Variants in NAALADL2 observed in about 807,000 individuals in gnomAD.
NAALADL2 encodes the protein N-acetylated alpha-linked acidic dipeptidase like 2.
Under a neutral mutation model 87.2 loss-of-function variants are expected in NAALADL2, and 76 were observed. The observed-to-expected ratio is 0.87, with a 90% confidence interval of 0.72 to 1.05. NAALADL2 has a LOEUF of 1.05. Ranked by LOEUF, NAALADL2 falls within the 50% of genes least tolerant of loss-of-function variation. The probability of loss-of-function intolerance (pLI) is 0.00; values close to 1 mark genes in which losing one functional copy is unlikely to be tolerated. For synonymous variants in NAALADL2, 354 were observed against 331.0 expected (o/e 1.07, Z -0.75); for missense variants, 1,089 against 945.8 (o/e 1.15, Z -1.99).
At chr3:175,202,716 T>C (rs933963551) in intron 2 of NAALADL2, among the ~76,000 whole-genome samples, 1 of 151,800 alleles carries the variant, frequency 6.6e-6, no homozygotes, top group African/African-American at 2.4e-5. Context: ...AGCTACCAGG[T>C]TGGGTAGGGA....
At chr3:174,889,594 C>T (rs923036231) in intron 1 of NAALADL2, among the ~76,000 whole-genome samples, 21 of 151,914 alleles carry the variant, frequency 1.4e-4, no homozygotes, top group African/African-American at 5.1e-4. Flanking sequence ...TCAGATTTAA[C>T]ATTGAGAGCC....
rs185456305 is a variant in NAALADL2, at chr3:175,557,340, T to A, written c.1654-18701T>A. On this transcript the variant is annotated intron_variant, in intron 9 of 13. Coordinates refer to ENST00000454872, the MANE Select transcript of NAALADL2 (RefSeq NM_207015.3). ...GATGCAAGCATGAAGTGTGTAATAA[T>A]CACATCAGGGTAAATAGGATATCCA... Among the ~76,000 whole-genome samples the A allele has an allele frequency of 3.3e-5, 5 of 152,312 alleles. No homozygotes were observed. In the East Asian group the frequency reaches 5.8e-4, roughly 18 times the overall value.
rs140341797 is a variant in NAALADL2, at chr3:175,244,046, A to T, written c.819+9842A>T. 8.8e-3 allele frequency among the ~76,000 whole-genome samples: 1,337 copies of T among 152,182 alleles called. 17 individuals are homozygous for T. The highest frequency in any genetic ancestry group is 0.031 in the African/African-American group (1,273 of 41,510). ...TGCCTGGACTTTCAACACAGCAACG[A>T]TGTCTCTCCATTGCCCTCTACCCAT... is the stretch of plus-strand genomic sequence containing the variant. On this transcript the variant is annotated intron_variant, in intron 3 of 13. Transcript: ENST00000454872.
chr3:175,533,246 A>G (rs1734342134), intron 9 of NAALADL2, among the ~76,000 whole-genome samples: 1 of 152,166 alleles, frequency 6.6e-6, no homozygotes, highest in Non-Finnish European at 1.5e-5. Context: ...ATTTCTGCTT[A>G]TATAAGATAG....
intron 13 of NAALADL2, among the ~76,000 whole-genome samples, chr3:175,774,193 C>A (rs2150188291): frequency 6.6e-6 from 1 of 152,128 alleles, no homozygotes; most frequent in East Asian, 1.9e-4. Flanking sequence ...AAGGCCTCAG[C>A]AGTGGGAGGA....
intron 11 of NAALADL2, among the ~76,000 whole-genome samples, chr3:175,709,370 A>G (rs1357862126): frequency 6.6e-6 from 1 of 152,132 alleles, no homozygotes; most frequent in Non-Finnish European, 1.5e-5. Flanking sequence ...TATTTCCAGA[A>G]TACTCCAAAG....
chr3:174,664,900 A>G (rs762353730), intron 2 of NAALADL2, among the ~76,000 whole-genome samples: 2 of 152,228 alleles, frequency 1.3e-5, no homozygotes, highest in Admixed American at 1.3e-4. Context: ...AAAGTCCCCT[A>G]GGTCTTCATT....
intron 1 of NAALADL2, among the ~76,000 whole-genome samples, chr3:174,499,752 T>C (rs573720390): frequency 3.3e-5 from 5 of 152,228 alleles, no homozygotes; most frequent in African/African-American, 9.6e-5. Flanking sequence ...GGGTCTTTCG[T>C]TGGAATCTCT....
intron 10 of NAALADL2, among the ~76,000 whole-genome samples, chr3:175,603,691 G>A (rs1723265856): frequency 6.6e-6 from 1 of 152,126 alleles, no homozygotes; most frequent in Admixed American, 6.6e-5. Flanking sequence ...TGCATGTATA[G>A]GCTGCATTTT....
intron 11 of NAALADL2, among the ~76,000 whole-genome samples, chr3:175,649,966 C>T (rs893482034): frequency 1.3e-5 from 2 of 148,264 alleles, no homozygotes; most frequent in Admixed American, 1.4e-4. Flanking sequence ...AAAAGTTAAA[C>T]ATAAGCTTAT....
At chr3:175,039,048 C>T (rs1753748045) in intron 1 of NAALADL2, among the ~76,000 whole-genome samples, 1 of 151,910 alleles carries the variant, frequency 6.6e-6, no homozygotes, top group Non-Finnish European at 1.5e-5. Context: ...GAGTAGCACC[C>T]CCCTTTTATT....
chr3:174,818,381 A>G (rs1376149500), intron 3 of NAALADL2, among the ~76,000 whole-genome samples: 2 of 151,874 alleles, frequency 1.3e-5, no homozygotes, highest in Non-Finnish European at 2.9e-5. Flanking sequence ...AATGAAACAT[A>G]CCTCTGTTTG....
intron 1 of NAALADL2, among the ~76,000 whole-genome samples, chr3:174,521,582 A>G (rs1436982915): frequency 6.7e-6 from 1 of 150,350 alleles, no homozygotes; most frequent in East Asian, 1.9e-4. Context: ...AAAAAAAAAA[A>G]AAAAAAAAAA....
chr3:174,919,669 T>C (rs1734883727), intron 1 of NAALADL2, among the ~76,000 whole-genome samples: 1 of 152,242 alleles, frequency 6.6e-6, no homozygotes, highest in African/African-American at 2.4e-5. Flanking sequence ...TTGATGTTGA[T>C]ATTTTAACCT....
chr3:175,656,674 G>A (rs909401667), intron 11 of NAALADL2, among the ~76,000 whole-genome samples: 1 of 151,974 alleles, frequency 6.6e-6, no homozygotes, highest in Non-Finnish European at 1.5e-5. Context: ...TTCCTCAAAG[G>A]TGTGCAGAGG....
intron 11 of NAALADL2, among the ~76,000 whole-genome samples, chr3:175,711,224 A>G (rs186261268): frequency 8.4e-4 from 128 of 151,996 alleles, no homozygotes; most frequent in African/African-American, 2.8e-3. Flanking sequence ...GAAATTCTAT[A>G]TGGCTTTCTT....
chr3:175,203,838 A>G (rs1163926376), intron 2 of NAALADL2, among the ~76,000 whole-genome samples: 3 of 152,230 alleles, frequency 2.0e-5, no homozygotes, highest in Non-Finnish European at 4.4e-5. Context: ...AAATTAGAAA[A>G]TCTGGAAAGA....
chr3:174,809,959 C>G (rs549947860), intron 3 of NAALADL2, among the ~76,000 whole-genome samples: 4 of 152,202 alleles, frequency 2.6e-5, no homozygotes, highest in South Asian at 4.1e-4. Flanking sequence ...CACCTCCCCC[C>G]TCTCTTGGTC....
At chr3:175,276,230 G>A (rs973770962) in intron 4 of NAALADL2, among the ~76,000 whole-genome samples, 13 of 150,836 alleles carry the variant, frequency 8.6e-5, no homozygotes, top group African/African-American at 1.9e-4. Context: ...TCTGAAGGTC[G>A]CCATTTCTCT....
Sources: gnomAD v4.1 joint callset for allele counts (sites outside exome capture counted in the v4.1 genomes callset) on GRCh38, gnomAD v4.1.1 for gene constraint, MANE v1.5 for transcripts, NCBI Gene and HGNC (gene_info 2026-07-23, HGNC 2026-07-21) for gene names.